The following AP1B1 variants were observed in gnomAD, a reference collection of about 807,000 sequenced individuals.
The protein encoded by AP1B1 is AP-1 complex subunit beta-1.
AP1B1 carries 36 observed loss-of-function variants against 104.3 expected under a neutral mutation model. That is an observed-to-expected ratio of 0.35 (90% CI 0.26 to 0.46). The LOEUF (loss-of-function observed/expected upper bound fraction) is 0.46, where lower values mean the gene tolerates loss of function less well. Among genes scored for constraint, AP1B1 ranks in the 20% least tolerant of loss-of-function variants. The probability of loss-of-function intolerance (pLI) is 1.00; values close to 1 mark genes in which losing one functional copy is unlikely to be tolerated. For missense variants in AP1B1, 901 were observed against 1,247.9 expected (o/e 0.72, Z 4.19); for synonymous variants, 504 against 517.5 (o/e 0.97, Z 0.35).
intron 1 of AP1B1, among the ~76,000 whole-genome samples, chr22:29,371,174 G>A (rs891687258): frequency 1.3e-5 from 2 of 152,308 alleles, no homozygotes; most frequent in East Asian, 3.9e-4. Flanking sequence ...TCCATTGTGA[G>A]CACCTAATGC....
At chr22:29,329,651 G>C in intron 22 of AP1B1, 61 bp downstream of exon 22, 1 of 1,610,442 alleles carries the variant, frequency 6.2e-7, no homozygotes, top group Non-Finnish European at 8.5e-7. Flanking sequence ...GGTGCATGGG[G>C]GCCATGACAG....
At chr22:29,379,123 G>A (rs2062396985) in intron 1 of AP1B1, among the ~76,000 whole-genome samples, 1 of 152,232 alleles carries the variant, frequency 6.6e-6, no homozygotes, top group African/African-American at 2.4e-5. Flanking sequence ...GGAGACCGAG[G>A]TGGGCAGATC....
intron 3 of AP1B1, 129 bp from the exon 4 acceptor site, chr22:29,360,088 T>G (rs1332475129): frequency 5.9e-6 from 6 of 1,011,562 alleles, no homozygotes; most frequent in Admixed American, 2.7e-5. Context: ...GACTTCCTGG[T>G]AAAAGGGAGG....
intron 8 of AP1B1, 51 bp from the exon 9 acceptor site, chr22:29,351,317 G>A (rs372711996): frequency 1.5e-5 from 23 of 1,565,648 alleles, no homozygotes; most frequent in Non-Finnish European, 1.8e-5. Flanking sequence ...GGGGCAATCT[G>A]CTGGAACACT....
At chr22:29,334,471 C>A in intron 16 of AP1B1, 61 bp from the exon 17 acceptor site, 1 of 1,528,752 alleles carries the variant, frequency 6.5e-7, no homozygotes, top group Non-Finnish European at 8.7e-7. Flanking sequence ...CCAAACTCAA[C>A]AGCCCACCTG....
chr22:29,358,308 A>T (rs1224327919), intron 5 of AP1B1, among the ~76,000 whole-genome samples: 1 of 152,196 alleles, frequency 6.6e-6, no homozygotes, highest in Non-Finnish European at 1.5e-5. Flanking sequence ...GGAAGGGAAA[A>T]GCACCACACA....
chr22:29,328,482 G>A lies in AP1B1; in HGVS notation c.*339C>T, dbSNP rs749250270. On this transcript the variant is annotated 3_prime_UTR_variant, in exon 23 of 23. Transcript: ENST00000357586. This position sits in a 1 kb window ranked among gnomAD's most constrained non-coding sequence, Gnocchi z 4.1. ...AGAGACCAAGGAGCCAGGGGCTGCC[G>A]GGGCTGTGAGCCGGAGGGGCAAGCT... is the stretch of plus-strand genomic sequence containing the variant. 68 of 253,608 alleles carry A rather than the reference G, an allele frequency of 2.7e-4. No individual in the cohort carries two copies. The highest frequency in any genetic ancestry group is 9.5e-4 in the Admixed American group (19 of 20,040). 15.7% of individuals were successfully genotyped at this position (253,608 alleles called of 1,614,324 possible).
intron 16 of AP1B1, among the ~76,000 whole-genome samples, chr22:29,337,067 C>T (rs919941871): frequency 6.6e-6 from 1 of 152,180 alleles, no homozygotes; most frequent in African/African-American, 2.4e-5. Context: ...TACGTTATGC[C>T]GCGATTCTAC....
rs770557435 is a variant in AP1B1, at chr22:29,330,550, C to T, written c.2612-18G>A. The T allele has an allele frequency of 9.9e-6, 16 of 1,609,780 alleles. No individual in the cohort carries two copies. The highest frequency in any genetic ancestry group is 6.7e-5 in the East Asian group (3 of 44,764). On this transcript the variant is annotated intron_variant, in intron 20 of 22. Coordinates refer to ENST00000357586, the MANE Select transcript of AP1B1 (RefSeq NM_001127.4). ...CGCAGCCTCTGTGGGGTCACATGGC[C>T]GTGAGAGGCCCCAGTCAGCGCGGGG... is the stretch of plus-strand genomic sequence containing the variant.
At chr22:29,335,058 T>C (rs1472559575) in intron 16 of AP1B1, among the ~76,000 whole-genome samples, 2 of 152,194 alleles carry the variant, frequency 1.3e-5, no homozygotes, top group African/African-American at 2.4e-5. Flanking sequence ...CAGATAAATA[T>C]GAGCTTGTGT....
At chr22:29,385,065 A>G (rs2062500276) in intron 1 of AP1B1, among the ~76,000 whole-genome samples, 1 of 151,776 alleles carries the variant, frequency 6.6e-6, no homozygotes, top group African/African-American at 2.4e-5. Context: ...CAGAGGGAAG[A>G]GTGCAAAGCA....
At chr22:29,385,707 C>T (rs1425323120) in intron 1 of AP1B1, among the ~76,000 whole-genome samples, 2 of 152,150 alleles carry the variant, frequency 1.3e-5, no homozygotes, top group African/African-American at 2.4e-5. Context: ...ATAATATCAA[C>T]GATGTCTCTT....
Position 29,330,480 on chromosome 22 carries a change from C to T in AP1B1, c.2664G>A (p.Arg888=). 1 of 1,613,464 alleles carries T rather than the reference C, an allele frequency of 6.2e-7. No homozygotes were observed. Among genetic ancestry groups the T allele is most frequent in the Non-Finnish European group, 8.5e-7 (1 of 1,179,542 alleles). Residue 888 remains arginine (R), a synonymous_variant, in exon 21 of 23, where the codon AGG becomes AGA. Coordinates refer to ENST00000357586, the MANE Select transcript of AP1B1 (RefSeq NM_001127.4). ...QSSNIFTVAK[R]NVEGQDMLYQ... ...AGAGCATGTCCTGGCCCTCCACGTT[C>T]CTCTTGGCGACAGTGAAGATGTTGC...
At chr22:29,354,584 C>T (rs975182631) in intron 7 of AP1B1, 66 bp downstream of exon 7, 2 of 1,469,190 alleles carry the variant, frequency 1.4e-6, no homozygotes, top group East Asian at 4.6e-5. Flanking sequence ...CTTTGAGAGC[C>T]CCCATTCCCA....
chr22:29,351,714 G>A lies in AP1B1; in HGVS notation c.1050C>T (p.Asn350=). 6.2e-7 allele frequency: 1 copy of A among 1,613,962 alleles called. No homozygotes were observed. Among genetic ancestry groups the A allele is most frequent in the South Asian group, 1.1e-5 (1 of 91,084 alleles). ...DIMIRLASQA[N]IAQVLAELKE... ...ATCACACGCAGCTGACCTGGGCGATGTTGGCCTGAGAGGCCAGGCGGATCA... is the reference window on the plus strand; with the variant it reads ...ATCACACGCAGCTGACCTGGGCGATATTGGCCTGAGAGGCCAGGCGGATCA... The change falls in exon 8 of 23, where the codon AAC becomes AAT. Residue 350 remains asparagine, a synonymous_variant. Transcript: ENST00000357586.
At chr22:29,347,919 G>A (rs988915055) in intron 11 of AP1B1, among the ~76,000 whole-genome samples, 1 of 152,214 alleles carries the variant, frequency 6.6e-6, no homozygotes, top group African/African-American at 2.4e-5. Flanking sequence ...CGGCAGTACT[G>A]TTTCAATGAG....
chr22:29,375,049 G>A (rs943672348), intron 1 of AP1B1, among the ~76,000 whole-genome samples: 1 of 152,130 alleles, frequency 6.6e-6, no homozygotes, highest in African/African-American at 2.4e-5. Flanking sequence ...ATACAACCAT[G>A]CAAAAGAATA....
intron 1 of AP1B1, among the ~76,000 whole-genome samples, chr22:29,373,661 C>T (rs1406769675): frequency 2.0e-5 from 3 of 151,710 alleles, no homozygotes; most frequent in Non-Finnish European, 2.9e-5. Flanking sequence ...CCAGCACTTT[C>T]GGAGGCCAAG....
At chr22:29,368,115 T>A (rs2062173264) in intron 1 of AP1B1, among the ~76,000 whole-genome samples, 1 of 152,126 alleles carries the variant, frequency 6.6e-6, no homozygotes, top group Admixed American at 6.6e-5. Flanking sequence ...CTGGCCAACA[T>A]GGTAAAAACC....
Sources: allele counts gnomAD v4.1 joint callset (sites outside exome capture counted in the v4.1 genomes callset), GRCh38; gene constraint gnomAD v4.1.1; non-coding constraint Gnocchi (gnomAD v3.1); transcripts MANE v1.5; gene names NCBI Gene and HGNC (gene_info 2026-07-23, HGNC 2026-07-21).